The following NCAM1 variants were observed in gnomAD, a reference collection of about 807,000 sequenced individuals.
The protein encoded by NCAM1 is antigen recognized by monoclonal antibody 5.1H11.
In NCAM1, 14 loss-of-function variants were observed where a neutral mutation model predicts 109.8. The ratio of observed to expected loss-of-function variants is 0.13; its 90% CI spans 0.08 to 0.20. The LOEUF (loss-of-function observed/expected upper bound fraction) is 0.20, where lower values mean the gene tolerates loss of function less well. NCAM1 is among the 10% of genes least tolerant of loss of function. The pLI, the probability that NCAM1 is intolerant of heterozygous loss-of-function variation, is 1.00. For synonymous variants in NCAM1, 418 were observed against 442.9 expected (o/e 0.94, Z 0.70); for missense variants, 774 against 1,109.9 (o/e 0.70, Z 4.30).
intron 1 of NCAM1, chr11:113,197,194 T>C: frequency 3.7e-6 from 1 of 268,636 alleles, no homozygotes; most frequent in Non-Finnish European, 8.1e-6. Flanking sequence ...ATTATGGGAA[T>C]TACAATTCGT....
chr11:113,205,292 C>T (rs186276816), intron 3 of NCAM1, among the ~76,000 whole-genome samples: 2 of 152,272 alleles, frequency 1.3e-5, no homozygotes, highest in East Asian at 3.9e-4. Context: ...CTTTTCTGCA[C>T]AAAATGTGAT....
chr11:112,964,577 A>G (rs1555064785), intron 1 of NCAM1, among the ~76,000 whole-genome samples: 1 of 152,234 alleles, frequency 6.6e-6, no homozygotes, highest in African/African-American at 2.4e-5. Flanking sequence ...AGTAGTATAT[A>G]TAATATCTCT....
intron 1 of NCAM1, among the ~76,000 whole-genome samples, chr11:113,060,579 T>A (rs1291716016): frequency 2.6e-5 from 4 of 152,216 alleles, no homozygotes; most frequent in African/African-American, 4.8e-5. Flanking sequence ...TAGTTTAAAT[T>A]ATTTATAGTT....
At chr11:113,156,293 G>T (rs1360628408) in intron 1 of NCAM1, among the ~76,000 whole-genome samples, 1 of 152,202 alleles carries the variant, frequency 6.6e-6, no homozygotes, top group Non-Finnish European at 1.5e-5. Context: ...GGTTCTGTGT[G>T]GGGCATGTTG....
In NCAM1 at chr11:113,101,991, C is replaced by T. The variant is rs370090167; in HGVS notation, c.53-100388C>T. 5.4e-4 allele frequency among the ~76,000 whole-genome samples: 82 copies of T among 152,310 alleles called. No homozygotes were observed. The South Asian group carries it at 0.017, about 31-fold the overall frequency. ...TTTTTCTACAAATTGATTAAGAATA[C>T]TGTTATGTTTGTTTTTATTTTCCCC... On this transcript the variant is annotated intron_variant, in intron 1 of 19. Coordinates refer to ENST00000316851, the MANE Select transcript of NCAM1 (RefSeq NM_181351.5).
intron 1 of NCAM1, among the ~76,000 whole-genome samples, chr11:113,028,463 A>G (rs1952622631): frequency 6.6e-6 from 1 of 152,236 alleles, no homozygotes; most frequent in Non-Finnish European, 1.5e-5. Context: ...GTTTATTCCT[A>G]AATTACCAGG....
intron 15 of NCAM1, among the ~76,000 whole-genome samples, chr11:113,247,753 C>T (rs1945545695): frequency 6.6e-6 from 1 of 152,196 alleles, no homozygotes; most frequent in African/African-American, 2.4e-5. Context: ...ATTGGGCTTA[C>T]CTTTAAAAAT....
intron 1 of NCAM1, among the ~76,000 whole-genome samples, chr11:112,975,434 C>T (rs782647055): frequency 4.6e-5 from 7 of 151,930 alleles, no homozygotes; most frequent in Non-Finnish European, 1.0e-4. Flanking sequence ...TTCTAGACCA[C>T]GTTCAAAAAG....
At chr11:113,079,435 C>T (rs1354758457) in intron 1 of NCAM1, among the ~76,000 whole-genome samples, 1 of 152,084 alleles carries the variant, frequency 6.6e-6, no homozygotes, top group Non-Finnish European at 1.5e-5. Context: ...TATAAGCCTC[C>T]CTGGTTTTCT....
At chr11:113,000,901 A>G (rs1156452035) in intron 1 of NCAM1, among the ~76,000 whole-genome samples, 2 of 150,472 alleles carry the variant, frequency 1.3e-5, no homozygotes, top group African/African-American at 4.9e-5. Flanking sequence ...GTACGTGTAT[A>G]TGTATATGTG....
At chr11:112,992,503 CTTT>C (rs1335878256) in intron 1 of NCAM1, among the ~76,000 whole-genome samples, 4 of 135,496 alleles carry the variant, frequency 3.0e-5, no homozygotes, top group Non-Finnish European at 3.2e-5. Context: ...CTTTTTTTTT[CTTT>C]TTTTTTTTTT....
chr11:113,050,447 T>C (rs553858305), intron 1 of NCAM1, among the ~76,000 whole-genome samples: 105 of 152,316 alleles, frequency 6.9e-4, no homozygotes, highest in African/African-American at 2.4e-3. Context: ...CCTTATTTTC[T>C]TCAAAAAGTA....
intron 1 of NCAM1, among the ~76,000 whole-genome samples, chr11:112,989,721 T>TG (rs1951407854): frequency 6.6e-6 from 1 of 152,212 alleles, no homozygotes; most frequent in African/African-American, 2.4e-5. Context: ...GTGTCTGCAT[T>TG]TGAAGGAGCA....
intron 1 of NCAM1, among the ~76,000 whole-genome samples, chr11:113,037,616 T>C (rs958650470): frequency 1.3e-5 from 2 of 152,154 alleles, no homozygotes; most frequent in Admixed American, 6.5e-5. Context: ...TAGTGTTGAG[T>C]TCTTGTCTAA....
In NCAM1 at chr11:113,233,557, A is replaced by G. The variant is rs1002663758; in HGVS notation, c.1693+240A>G. On this transcript the variant is annotated intron_variant, in intron 13 of 19. Coordinates refer to ENST00000316851, the MANE Select transcript of NCAM1 (RefSeq NM_181351.5). This position sits in a 1 kb window ranked among gnomAD's most constrained non-coding sequence, Gnocchi z 4.5. ...GATGAAGGCATCTGTACCACATTCC[A>G]GGCAGGAACCTTGTGTAGGTTCTGA... Among the ~76,000 whole-genome samples the G allele has an allele frequency of 2.0e-5, 3 of 152,206 alleles. No homozygotes were observed. The highest frequency in any genetic ancestry group is 4.4e-5 in the Non-Finnish European group (3 of 68,032).
intron 1 of NCAM1, among the ~76,000 whole-genome samples, chr11:113,094,155 C>A (rs1343608033): frequency 1.3e-5 from 2 of 152,154 alleles, no homozygotes; most frequent in African/African-American, 4.8e-5. Flanking sequence ...GGGGAGGGAC[C>A]AATCTGACAT....
At chr11:113,270,127 C>T (rs1946233145) in intron 17 of NCAM1, 61 bp from the exon 18 acceptor site, 7 of 1,541,454 alleles carry the variant, frequency 4.5e-6, no homozygotes, top group Non-Finnish European at 6.3e-6. Flanking sequence ...CTTTTGCTGG[C>T]AGGGTCTGGA....
intron 1 of NCAM1, among the ~76,000 whole-genome samples, chr11:113,135,646 T>C (rs1479550809): frequency 2.0e-5 from 3 of 152,192 alleles, no homozygotes; most frequent in East Asian, 3.9e-4. Flanking sequence ...AGTGCTTTTG[T>C]GTACATTCCT....
chr11:113,165,978 C>A (rs1942782702), intron 1 of NCAM1, among the ~76,000 whole-genome samples: 1 of 150,542 alleles, frequency 6.6e-6, no homozygotes, highest in Non-Finnish European at 1.5e-5. Flanking sequence ...TACCACCATG[C>A]CCGGCTAATT....
Sources: allele counts gnomAD v4.1 joint callset (sites outside exome capture counted in the v4.1 genomes callset), GRCh38; gene constraint gnomAD v4.1.1; non-coding constraint Gnocchi (gnomAD v3.1); transcripts MANE v1.5; gene names NCBI Gene and HGNC (gene_info 2026-07-23, HGNC 2026-07-21).